SYT16: variants seen among roughly 807,000 people sequenced by gnomAD.
The protein encoded by SYT16 is synaptotagmin 16.
Under a neutral mutation model 61.4 loss-of-function variants are expected in SYT16, and 42 were observed. The observed-to-expected ratio is 0.68, with a 90% CI of 0.53 to 0.89. The LOEUF is 0.89. SYT16 is among the 40% of genes least tolerant of loss of function. The probability of loss-of-function intolerance (pLI) is 0.00; values close to 1 mark genes in which losing one functional copy is unlikely to be tolerated. For synonymous variants in SYT16, 314 were observed against 302.3 expected, an observed-to-expected ratio of 1.04 and a Z score of -0.40; for missense variants, 804 against 807.3, an observed-to-expected ratio of 1.00 and a Z score of 0.05.
intron 2 of SYT16, among the ~76,000 whole-genome samples, chr14:61,976,752 G>A (rs2140546516): frequency 6.6e-6 from 1 of 152,240 alleles, no homozygotes; most frequent in East Asian, 1.9e-4. Context: ...GGGAAGGGCT[G>A]CCATGAGGAC....
intron 1 of SYT16, among the ~76,000 whole-genome samples, chr14:61,948,970 C>T (rs932199513): frequency 6.6e-6 from 1 of 152,196 alleles, no homozygotes; most frequent in African/African-American, 2.4e-5. Context: ...ATTCTGGAAT[C>T]TGAGTGAGAG....
At chr14:61,845,039 CTTTTTTTT>C (rs35131511) in intron 1 of SYT16, among the ~76,000 whole-genome samples, 5 of 97,608 alleles carry the variant, frequency 5.1e-5, no homozygotes, top group Non-Finnish European at 9.8e-5. Flanking sequence ...TACTAGAAGA[CTTTTTTTT>C]TTTTTTTTTT....
intron 3 of SYT16, among the ~76,000 whole-genome samples, chr14:62,052,712 A>G (rs915104966): frequency 6.6e-6 from 1 of 152,280 alleles, no homozygotes; most frequent in East Asian, 1.9e-4. Flanking sequence ...TGGAGCCCTC[A>G]TGAGTGGGAT....
At chr14:61,869,037 G>T (rs895554494) in intron 1 of SYT16, among the ~76,000 whole-genome samples, 1 of 151,942 alleles carries the variant, frequency 6.6e-6, no homozygotes, top group African/African-American at 2.4e-5. Flanking sequence ...ATTATGAAAT[G>T]ATCCTTTTCT....
chr14:61,824,108 G>A (rs1433925542), intron 1 of SYT16, among the ~76,000 whole-genome samples: 1 of 152,074 alleles, frequency 6.6e-6, no homozygotes, highest in Admixed American at 6.6e-5. Flanking sequence ...ATTAAAAAGG[G>A]TTCTTTTCAG....
At chr14:62,081,441 G>A (rs2056704662) in intron 6 of SYT16, among the ~76,000 whole-genome samples, 167 bp downstream of exon 6, 1 of 152,132 alleles carries the variant, frequency 6.6e-6, no homozygotes, top group Non-Finnish European at 1.5e-5. Flanking sequence ...TGGTACAATG[G>A]GTCTTTCATG....
chr14:62,078,685 C>T (rs1258193436), intron 5 of SYT16, among the ~76,000 whole-genome samples: 1 of 152,182 alleles, frequency 6.6e-6, no homozygotes, highest in African/African-American at 2.4e-5. Flanking sequence ...TGTGTGATCA[C>T]ACTCCAAGAA....
chr14:62,098,547 G>A (rs72720810), intron 7 of SYT16, among the ~76,000 whole-genome samples: 31,182 of 152,120 alleles, frequency 0.2, 3,373 homozygotes, highest in East Asian at 0.36. Flanking sequence ...CTCTAGTGGA[G>A]GGGTTCTACG....
At chr14:62,078,194 CACAT>C (rs2056582112) in intron 5 of SYT16, among the ~76,000 whole-genome samples, 1 of 151,526 alleles carries the variant, frequency 6.6e-6, no homozygotes, top group Non-Finnish European at 1.5e-5. Flanking sequence ...CACACACACA[CACAT>C]ATGTCTATAT....
intron 4 of SYT16, among the ~76,000 whole-genome samples, chr14:62,071,144 C>T (rs1465437786): frequency 6.6e-6 from 1 of 152,158 alleles, no homozygotes; most frequent in Non-Finnish European, 1.5e-5. Flanking sequence ...CATCAGTGGC[C>T]GCTGACAGAG....
At chr14:61,830,613 T>A (rs890450216) in intron 1 of SYT16, among the ~76,000 whole-genome samples, 13 of 152,166 alleles carry the variant, frequency 8.5e-5, no homozygotes, top group Non-Finnish European at 1.2e-4. Flanking sequence ...ACAAGATTTC[T>A]TTATCCAGTC....
chr14:61,906,987 TATTC>T (rs552649255), intron 1 of SYT16, among the ~76,000 whole-genome samples: 52 of 152,370 alleles, frequency 3.4e-4, no homozygotes, highest in Non-Finnish European at 5.9e-4. Flanking sequence ...AAATGCCTGT[TATTC>T]ATACCCTGTG....
In SYT16 at chr14:61,927,208, T is replaced by G. The variant is rs1000863139; in HGVS notation, c.-324-42924T>G. The stretch of plus-strand genomic sequence containing the variant: ...GTTTTAAATTCCAGGAAGCATGACT[T>G]CATCTCAGCCTGAGGCTCTATAAAG... On this transcript the variant is annotated intron_variant, in intron 1 of 7. Transcript: ENST00000683842. Among the ~76,000 whole-genome samples the G allele has an allele frequency of 4.6e-5, 7 of 152,312 alleles. No homozygotes were observed. The East Asian group carries it at 1.3e-3, about 29-fold the overall frequency.
intron 3 of SYT16, among the ~76,000 whole-genome samples, chr14:62,039,834 T>C (rs866178446): frequency 2.5e-4 from 31 of 124,340 alleles, no homozygotes; most frequent in East Asian, 1.0e-3. Flanking sequence ...GGCTTAAGCA[T>C]ACACACACAC....
chr14:62,013,459 A>G (rs1057099119), intron 3 of SYT16, among the ~76,000 whole-genome samples: 3 of 152,122 alleles, frequency 2.0e-5, no homozygotes, highest in African/African-American at 7.2e-5. Context: ...GAGTTTAAGG[A>G]GTTTATGGGA....
chr14:61,960,590 G>A (rs2051077035), intron 1 of SYT16, among the ~76,000 whole-genome samples: 1 of 152,132 alleles, frequency 6.6e-6, no homozygotes, highest in Non-Finnish European at 1.5e-5. Flanking sequence ...TCAGATCAAG[G>A]AGCTTTTGGG....
intron 1 of SYT16, among the ~76,000 whole-genome samples, chr14:61,833,990 T>A (rs887881287): frequency 1.1e-4 from 17 of 148,492 alleles, no homozygotes; most frequent in Non-Finnish European, 1.8e-4. Flanking sequence ...TTTTTTTTTT[T>A]AAATTTTGGA....
At chr14:62,081,690 C>T (rs1242671454) in intron 6 of SYT16, among the ~76,000 whole-genome samples, 1 of 152,204 alleles carries the variant, frequency 6.6e-6, no homozygotes, top group East Asian at 1.9e-4. Context: ...CCCAGAACTT[C>T]AGCTGCTTCT....
chr14:62,049,220 C>T (rs1242842628), intron 3 of SYT16, among the ~76,000 whole-genome samples: 9 of 152,156 alleles, frequency 5.9e-5, no homozygotes, highest in Admixed American at 2.0e-4. Context: ...GATCCCTTTA[C>T]CATTATGTAA....
Sources: gnomAD v4.1 joint callset for allele counts (sites outside exome capture counted in the v4.1 genomes callset) on GRCh38, gnomAD v4.1.1 for gene constraint, MANE v1.5 for transcripts, NCBI Gene and HGNC (gene_info 2026-07-23, HGNC 2026-07-21) for gene names.